The following DCC variants were observed in gnomAD, a reference collection of about 807,000 sequenced individuals.
DCC encodes netrin receptor DCC.
DCC carries 58 observed loss-of-function variants against 172.5 expected under a neutral mutation model. That is an observed-to-expected ratio of 0.34 (90% CI 0.27 to 0.42). DCC has a LOEUF of 0.42. Among genes scored for constraint, DCC ranks in the 10% least tolerant of loss-of-function variants. DCC has a pLI of 1.00. For synonymous variants in DCC, 709 were observed against 644.5 expected, an observed-to-expected ratio of 1.10 and a Z score of -1.52; for missense variants, 1,740 against 1,791.0, an observed-to-expected ratio of 0.97 and a Z score of 0.51.
chr18:52,590,683 A>G (rs573458974), intron 1 of DCC, among the ~76,000 whole-genome samples: 2 of 152,334 alleles, frequency 1.3e-5, no homozygotes, highest in East Asian at 1.9e-4. Flanking sequence ...GTTGTCATCA[A>G]CCATCCATGT....
At chr18:52,447,601 G>T (rs1453074517) in intron 1 of DCC, among the ~76,000 whole-genome samples, 1 of 152,164 alleles carries the variant, frequency 6.6e-6, no homozygotes, top group Non-Finnish European at 1.5e-5. Context: ...AAATACCTGA[G>T]ACTGGGTAAT....
chr18:53,237,626 C>T (rs184442583), intron 12 of DCC, among the ~76,000 whole-genome samples: 31 of 151,974 alleles, frequency 2.0e-4, no homozygotes, highest in African/African-American at 5.3e-4. Flanking sequence ...CAATTTAGAG[C>T]GTAGTTTTAA....
chr18:52,739,602 A>G (rs1268536891), intron 1 of DCC, among the ~76,000 whole-genome samples: 1 of 152,190 alleles, frequency 6.6e-6, no homozygotes, highest in African/African-American at 2.4e-5. Context: ...GTCTCTGCAC[A>G]GGCCTGTGTC....
At position 52,973,288 on chromosome 18, in the gene DCC, T is replaced by C. The variant is rs185842195; in HGVS notation, c.985+47918T>C. On this transcript the variant is annotated intron_variant, in intron 5 of 28. Coordinates refer to ENST00000442544, the MANE Select transcript of DCC (RefSeq NM_005215.4). ...AGGAATCATAAAATCCTCAAATTTA[T>C]ACAAATGATAAAGTTTTTTTAACTT... Among the ~76,000 whole-genome samples, 3 of 152,342 alleles carry C rather than the reference T, an allele frequency of 2.0e-5. 1 individual carries two copies. The East Asian group carries it at 5.8e-4, about 29-fold the overall frequency.
chr18:53,134,917 G>A (rs1047903808), intron 7 of DCC, among the ~76,000 whole-genome samples: 3 of 152,190 alleles, frequency 2.0e-5, no homozygotes, highest in South Asian at 2.1e-4. Context: ...AGCTGATTCC[G>A]ACTCATTCAT....
chr18:52,441,594 G>C (rs1370919037), intron 1 of DCC, among the ~76,000 whole-genome samples: 2 of 152,010 alleles, frequency 1.3e-5, no homozygotes, highest in Non-Finnish European at 2.9e-5. Flanking sequence ...TTAAACACTA[G>C]CATTTTCATC....
intron 1 of DCC, among the ~76,000 whole-genome samples, chr18:52,573,591 C>T (rs1433232579): frequency 1.3e-5 from 2 of 152,054 alleles, no homozygotes; most frequent in Non-Finnish European, 2.9e-5. Context: ...CATTTCTGTT[C>T]GTTCTCTTTT....
chr18:53,158,012 G>A (rs2054772202), intron 8 of DCC, among the ~76,000 whole-genome samples: 1 of 152,106 alleles, frequency 6.6e-6, no homozygotes, highest in Non-Finnish European at 1.5e-5. Context: ...AAATGCTTGA[G>A]GTGATGGATG....
chr18:52,393,151 G>A (rs918580065), intron 1 of DCC, among the ~76,000 whole-genome samples: 1 of 152,084 alleles, frequency 6.6e-6, no homozygotes, highest in Admixed American at 6.6e-5. Context: ...ATATCTGTGT[G>A]ATCATGGTTC....
chr18:52,506,919 T>A (rs1483123162), intron 1 of DCC, among the ~76,000 whole-genome samples: 1 of 152,156 alleles, frequency 6.6e-6, no homozygotes, highest in African/African-American at 2.4e-5. Flanking sequence ...AGCATTGATA[T>A]TTTAAATAAT....
At chr18:52,391,061 C>T (rs537933316) in intron 1 of DCC, among the ~76,000 whole-genome samples, 15 of 152,030 alleles carry the variant, frequency 9.9e-5, no homozygotes, top group African/African-American at 3.6e-4. Flanking sequence ...CACTTTTAGG[C>T]TTCTACATTC....
At chr18:52,489,902 T>C (rs144761330) in intron 1 of DCC, among the ~76,000 whole-genome samples, 33 of 152,252 alleles carry the variant, frequency 2.2e-4, no homozygotes, top group African/African-American at 7.7e-4. Context: ...GCTTCTACAG[T>C]AAATATGAAG....
intron 1 of DCC, among the ~76,000 whole-genome samples, chr18:52,742,381 T>C (rs2036837101): frequency 6.6e-6 from 1 of 152,168 alleles, no homozygotes; most frequent in Non-Finnish European, 1.5e-5. Flanking sequence ...TTTTCTCAGT[T>C]AGTTCTTTAT....
At chr18:53,121,274 A>C (rs2043480171) in intron 7 of DCC, among the ~76,000 whole-genome samples, 1 of 151,948 alleles carries the variant, frequency 6.6e-6, no homozygotes, top group African/African-American at 2.4e-5. Context: ...ACTAGGGACC[A>C]TTGTAACCAC....
At chr18:52,550,141 A>T (rs1324358160) in intron 1 of DCC, among the ~76,000 whole-genome samples, 2 of 151,534 alleles carry the variant, frequency 1.3e-5, no homozygotes, top group Non-Finnish European at 2.9e-5. Context: ...CTTTCTCTCT[A>T]AAAAAAACAT....
At chr18:52,818,875 C>CA (rs35462119) in intron 2 of DCC, among the ~76,000 whole-genome samples, 2 of 152,110 alleles carry the variant, frequency 1.3e-5, no homozygotes, top group Non-Finnish European at 2.9e-5. Flanking sequence ...AGAACAGATA[C>CA]AAAAAGTTAG....
intron 1 of DCC, among the ~76,000 whole-genome samples, chr18:52,606,630 G>A (rs2034136910): frequency 6.6e-6 from 1 of 152,146 alleles, no homozygotes; most frequent in Non-Finnish European, 1.5e-5. Context: ...TTGTAGTAAA[G>A]ATTTTAATTA....
chr18:52,817,644 AAAAG>A (rs1174085721), intron 2 of DCC, among the ~76,000 whole-genome samples: 1 of 152,090 alleles, frequency 6.6e-6, no homozygotes, highest in East Asian at 1.9e-4. Flanking sequence ...ATTTTTTTCA[AAAAG>A]AAAAAATGAA....
intron 1 of DCC, among the ~76,000 whole-genome samples, chr18:52,482,243 A>G (rs143062892): frequency 1.8e-3 from 270 of 152,234 alleles, no homozygotes; most frequent in African/African-American, 5.9e-3. Flanking sequence ...TTACATTACT[A>G]TGACTCTTCA....
Sources: gnomAD v4.1 joint callset for allele counts (sites outside exome capture counted in the v4.1 genomes callset) on GRCh38, gnomAD v4.1.1 for gene constraint, MANE v1.5 for transcripts, NCBI Gene and HGNC (gene_info 2026-07-23, HGNC 2026-07-21) for gene names.